The following CHLSN variants were observed in gnomAD, a reference collection of about 807,000 sequenced individuals.
CHLSN encodes protein cholesin.
chr7:1,008,017 G>A, the CHLSN span, among the ~76,000 whole-genome samples: 2 of 152,194 alleles, frequency 1.3e-5, no homozygotes, highest in Non-Finnish European at 2.9e-5. Flanking sequence ...GAGAGCAGCG[G>A]AAGGTGCTGG....
the CHLSN span, among the ~76,000 whole-genome samples, chr7:1,024,243 C>A: frequency 2.0e-5 from 3 of 152,190 alleles, no homozygotes; most frequent in Non-Finnish European, 2.9e-5. Flanking sequence ...GTGGGACCTG[C>A]CTCCCTACTC....
the CHLSN span, among the ~76,000 whole-genome samples, chr7:1,065,405 A>T: frequency 6.6e-6 from 1 of 152,270 alleles, no homozygotes. Context: ...CCAACACTGG[A>T]AACAACCCAA....
At chr7:1,130,000 C>G in the CHLSN span, among the ~76,000 whole-genome samples, 1 of 152,136 alleles carries the variant, frequency 6.6e-6, no homozygotes, top group African/African-American at 2.4e-5. Context: ...TGGCACCACA[C>G]GGGCTGCGGG....
At chr7:1,036,492 G>A in the CHLSN span, among the ~76,000 whole-genome samples, 3 of 150,696 alleles carry the variant, frequency 2.0e-5, no homozygotes, top group African/African-American at 7.3e-5. Context: ...TGGTGTGGCC[G>A]TGTGGGGTTC....
the CHLSN span, among the ~76,000 whole-genome samples, chr7:1,133,611 G>A: frequency 2.7e-3 from 411 of 151,582 alleles, 1 homozygote; most frequent in African/African-American, 8.4e-3. Context: ...AAAATTAGCC[G>A]GGCGTGGTGG....
chr7:1,095,794 C>T, the CHLSN span, among the ~76,000 whole-genome samples: 2 of 152,242 alleles, frequency 1.3e-5, no homozygotes, highest in Non-Finnish European at 2.9e-5. Flanking sequence ...AGCCCACAAG[C>T]TCTGTAGCAC....
chr7:1,012,749 C>G, the CHLSN span, among the ~76,000 whole-genome samples: 2 of 152,370 alleles, frequency 1.3e-5, no homozygotes, highest in South Asian at 4.1e-4. Context: ...AGTGAGGGTG[C>G]TGCGCCCGGA....
chr7:1,078,119 C>T, the CHLSN span: 9 of 152,228 alleles, frequency 5.9e-5, no homozygotes, highest in Non-Finnish European at 1.2e-4. Context: ...CTAGTCCTGT[C>T]TCCTGAAGAC....
chr7:1,080,406 C>T, the CHLSN span, among the ~76,000 whole-genome samples: 9,825 of 152,262 alleles, frequency 0.065, 1,033 homozygotes, highest in African/African-American at 0.22. Flanking sequence ...CCATCTCAAG[C>T]GCAGGAGGCA....
At chr7:1,085,029 AGGACTG>A in the CHLSN span, among the ~76,000 whole-genome samples, 2 of 152,236 alleles carry the variant, frequency 1.3e-5, no homozygotes, top group African/African-American at 2.4e-5. Flanking sequence ...TCTCAGCACA[AGGACTG>A]GGCTTTGCAC....
At chr7:989,241 C>G in the CHLSN span, 1 of 200,164 alleles carries the variant, frequency 5.0e-6, no homozygotes, top group Non-Finnish European at 1.0e-5. Context: ...CTGCACCCCC[C>G]AGGTCCTGGG....
At chr7:1,042,338 A>C in the CHLSN span, among the ~76,000 whole-genome samples, 3 of 152,222 alleles carry the variant, frequency 2.0e-5, no homozygotes, top group African/African-American at 4.8e-5. Flanking sequence ...GACTTCAACC[A>C]TCAACACTAG....
the CHLSN span, among the ~76,000 whole-genome samples, chr7:1,027,867 G>A: frequency 6.6e-6 from 1 of 152,236 alleles, no homozygotes; most frequent in African/African-American, 2.4e-5. Context: ...GTCTCCCCCG[G>A]GGGCTGCTGC....
At chr7:986,122 G>C in the CHLSN span, among the ~76,000 whole-genome samples, 1 of 152,162 alleles carries the variant, frequency 6.6e-6, no homozygotes, top group Non-Finnish European at 1.5e-5. Context: ...TTACCACAGA[G>C]ACGCCGCGTG....
the CHLSN span, among the ~76,000 whole-genome samples, chr7:1,070,737 CAT>C: frequency 5.5e-4 from 84 of 151,542 alleles, no homozygotes; most frequent in African/African-American, 1.9e-3. Flanking sequence ...CATGCACGCA[CAT>C]ATGCACACAA....
chr7:1,099,780 G>T, the CHLSN span, among the ~76,000 whole-genome samples: 1 of 152,242 alleles, frequency 6.6e-6, no homozygotes, highest in Non-Finnish European at 1.5e-5. Context: ...GACACAAGCT[G>T]TTGTCTCGTT....
At chr7:1,052,332 C>A in the CHLSN span, among the ~76,000 whole-genome samples, 1 of 152,202 alleles carries the variant, frequency 6.6e-6, no homozygotes, top group African/African-American at 2.4e-5. The surrounding 1 kb of genome is among the most constrained non-coding windows in gnomAD (Gnocchi z 4.2). Flanking sequence ...GTCCTGGGTG[C>A]CTCCCTAGGG....
the CHLSN span, among the ~76,000 whole-genome samples, chr7:1,016,658 G>C: frequency 0.11 from 6,797 of 59,626 alleles, 1,019 homozygotes; most frequent in African/African-American, 0.23. Flanking sequence ...GCAGCACACA[G>C]CAGCGCACAG....
chr7:1,050,881 G>T, the CHLSN span, among the ~76,000 whole-genome samples: 2 of 152,206 alleles, frequency 1.3e-5, no homozygotes, highest in African/African-American at 2.4e-5. Flanking sequence ...AGGGGGTCTC[G>T]GAGAAACTCT....
Sources: allele counts gnomAD v4.1 joint callset (sites outside exome capture counted in the v4.1 genomes callset), GRCh38; gene constraint gnomAD v4.1.1; non-coding constraint Gnocchi (gnomAD v3.1); transcripts MANE v1.5; gene names NCBI Gene and HGNC (gene_info 2026-07-23, HGNC 2026-07-21).